DCLK2: variants seen among roughly 807,000 people sequenced by gnomAD.
DCLK2 encodes the protein serine/threonine-protein kinase DCLK2.
DCLK2 carries 31 observed loss-of-function variants against 78.4 expected under a neutral mutation model. The observed-to-expected ratio is 0.40, with a 90% CI of 0.30 to 0.53. The LOEUF is 0.53. DCLK2 is among the 20% of genes least tolerant of loss of function. The pLI, the probability that DCLK2 is intolerant of heterozygous loss-of-function variation, is 0.61. For synonymous variants in DCLK2, 407 were observed against 374.9 expected, an observed-to-expected ratio of 1.09 and a Z score of -0.99; for missense variants, 872 against 973.7, an observed-to-expected ratio of 0.90 and a Z score of 1.39.
chr4:150,193,695 C>G (rs1738646649), intron 3 of DCLK2, among the ~76,000 whole-genome samples: 1 of 152,012 alleles, frequency 6.6e-6, no homozygotes, highest in South Asian at 2.1e-4. Flanking sequence ...TAATAACTAT[C>G]AATGGTGATT....
At chr4:150,238,232 A>G (rs530298087) in intron 10 of DCLK2, among the ~76,000 whole-genome samples, 59 of 152,228 alleles carry the variant, frequency 3.9e-4, no homozygotes, top group Non-Finnish European at 7.3e-4. Flanking sequence ...TTAACTCTGC[A>G]TAATAGTGAC....
chr4:150,204,878 C>T (rs150173886), intron 5 of DCLK2, among the ~76,000 whole-genome samples: 1,679 of 149,424 alleles, frequency 0.011, 15 homozygotes, highest in South Asian at 0.023. Context: ...GGTGACAAAG[C>T]GAGACTGTGC....
At chr4:150,139,604 G>C (rs554566914) in intron 2 of DCLK2, among the ~76,000 whole-genome samples, 1 of 152,330 alleles carries the variant, frequency 6.6e-6, no homozygotes, top group East Asian at 1.9e-4. Context: ...TGTAGTTAAT[G>C]TTAAAGTGCT....
chr4:150,252,388 C>A (rs149929887), intron 15 of DCLK2, among the ~76,000 whole-genome samples: 1 of 152,200 alleles, frequency 6.6e-6, no homozygotes, highest in African/African-American at 2.4e-5. Context: ...AGAGGAAGAA[C>A]CTTTAACCGC....
In DCLK2 at chr4:150,195,264, ATATTATATAT is replaced by A. The variant is rs1447415939; in HGVS notation, c.859+2028_859+2037del. Among the ~76,000 whole-genome samples, 14 of 5,422 alleles carry A rather than the reference ATATTATATAT, an allele frequency of 2.6e-3. 7 individuals are homozygous for A. Among genetic ancestry groups the A allele is most frequent in the Non-Finnish European group, 6.8e-3 (14 of 2,066 alleles). 3.6% of individuals were successfully genotyped at this position (5,422 alleles called of 152,430 possible). On this transcript the variant is annotated intron_variant, in intron 3 of 15. Transcript: ENST00000296550. ...TATTATATATTATATATTATATTATATATTATATATTATATTATATATTATATTATATATT... is the reference window on the plus strand; with the variant it reads ...TATTATATATTATATATTATATTATATATATTATATATTATATTATATATT...
At chr4:150,122,241 A>G (rs1732602107) in intron 2 of DCLK2, among the ~76,000 whole-genome samples, 1 of 152,204 alleles carries the variant, frequency 6.6e-6, no homozygotes, top group Non-Finnish European at 1.5e-5. Context: ...AATAGAGCAT[A>G]TATGCTATTA....
In DCLK2 at chr4:150,257,042, G is replaced by GA. The variant is rs1410234464; in HGVS notation, c.*796dup. 6.6e-6 allele frequency: 1 copy of GA among 152,254 alleles called. No homozygotes were observed. Among genetic ancestry groups the GA allele is most frequent in the Admixed American group, 6.5e-5 (1 of 15,288 alleles). 9.4% of individuals were successfully genotyped at this position (152,254 alleles called of 1,614,324 possible). A position where few individuals can be genotyped will look rare whatever the true frequency, so the allele number is the denominator to read the frequency against. ...GAACTTGCCCTCTGGGCTTTTTAAT[G>GA]AGAGGCTTGGCGCATGCGGCACCCA... On this transcript the variant is annotated 3_prime_UTR_variant, in exon 16 of 16. Transcript: ENST00000296550.
chr4:150,084,744 C>A (rs1729529115), intron 1 of DCLK2, among the ~76,000 whole-genome samples: 1 of 152,084 alleles, frequency 6.6e-6, no homozygotes, highest in African/African-American at 2.4e-5. Context: ...ATAAAGGAAA[C>A]CAGATTCTCT....
At chr4:150,119,044 T>TATAATAATAATA (rs70937317) in intron 2 of DCLK2, among the ~76,000 whole-genome samples, 47 of 115,384 alleles carry the variant, frequency 4.1e-4, no homozygotes, top group Non-Finnish European at 6.0e-4. Context: ...ACAATAATAA[T>TATAATAATAATA]ATAATAATAA....
intron 1 of DCLK2, among the ~76,000 whole-genome samples, chr4:150,083,989 CA>C (rs1372425389): frequency 2.6e-5 from 4 of 152,214 alleles, no homozygotes; most frequent in African/African-American, 9.6e-5. Context: ...AAGATGGCTT[CA>C]GCTAAAGTGC....
chr4:150,127,942 G>A (rs1206725767), intron 2 of DCLK2, among the ~76,000 whole-genome samples: 1 of 152,212 alleles, frequency 6.6e-6, no homozygotes, highest in Non-Finnish European at 1.5e-5. Context: ...GCTGTGGTTT[G>A]AGTCATATGG....
At chr4:150,131,498 T>C (rs944389956) in intron 2 of DCLK2, among the ~76,000 whole-genome samples, 7 of 152,044 alleles carry the variant, frequency 4.6e-5, no homozygotes, top group African/African-American at 1.5e-4. Flanking sequence ...CCCAAGAAAA[T>C]GTGACGAAGA....
intron 6 of DCLK2, 25 bp downstream of exon 6, chr4:150,220,803 T>C: frequency 1.3e-6 from 2 of 1,587,708 alleles, no homozygotes; most frequent in Non-Finnish European, 1.7e-6. Context: ...GATCATTACT[T>C]TGATAAAGGA....
intron 1 of DCLK2, among the ~76,000 whole-genome samples, chr4:150,091,049 C>T (rs891108546): frequency 6.6e-5 from 10 of 152,244 alleles, no homozygotes; most frequent in East Asian, 5.8e-4. Flanking sequence ...ACATTCTGTG[C>T]GGTTTGGCCA....
At chr4:150,136,667 A>T (rs62338189) in intron 2 of DCLK2, among the ~76,000 whole-genome samples, 1 of 151,930 alleles carries the variant, frequency 6.6e-6, no homozygotes, top group South Asian at 2.1e-4. Context: ...TGGTTTGAGC[A>T]TATCATTCTG....
At chr4:150,197,831 C>CT (rs919491294) in intron 3 of DCLK2, among the ~76,000 whole-genome samples, 171 bp from the exon 4 acceptor site, 6 of 151,718 alleles carry the variant, frequency 4.0e-5, no homozygotes, top group African/African-American at 1.2e-4. Flanking sequence ...TGTAGCCTGA[C>CT]TGAAGGTAAA....
intron 2 of DCLK2, among the ~76,000 whole-genome samples, chr4:150,110,235 AG>A (rs1182203554): frequency 6.6e-6 from 1 of 152,220 alleles, no homozygotes; most frequent in East Asian, 1.9e-4. Context: ...TTGATGTCTA[AG>A]GGGAGTAATG....
At chr4:150,096,288 T>C (rs1479515870) in intron 1 of DCLK2, among the ~76,000 whole-genome samples, 2 of 152,190 alleles carry the variant, frequency 1.3e-5, no homozygotes, top group African/African-American at 2.4e-5. Context: ...TTGGGGACTT[T>C]AGGAAGAGGA....
chr4:150,194,133 G>A (rs1738685189), intron 3 of DCLK2, among the ~76,000 whole-genome samples: 1 of 151,384 alleles, frequency 6.6e-6, no homozygotes, highest in South Asian at 2.1e-4. Flanking sequence ...GTCAATGATG[G>A]GCTACATATA....
Sources: allele counts gnomAD v4.1 joint callset (sites outside exome capture counted in the v4.1 genomes callset), GRCh38; gene constraint gnomAD v4.1.1; transcripts MANE v1.5; gene names NCBI Gene and HGNC (gene_info 2026-07-23, HGNC 2026-07-21).